SLC6A19: variants seen among roughly 807,000 people sequenced by gnomAD.
The protein encoded by SLC6A19 is solute carrier family 6 member 19, also known as sodium-dependent neutral amino acid transporter B(0)AT1.
A neutral mutation model predicts 68.3 loss-of-function variants in SLC6A19; 67 were observed. The ratio of observed to expected loss-of-function variants is 0.98; its 90% CI spans 0.81 to 1.20. The LOEUF (loss-of-function observed/expected upper bound fraction) is 1.20. Ranked by LOEUF, SLC6A19 falls within the 50% of genes most tolerant of loss-of-function variation. The probability of loss-of-function intolerance (pLI) is 0.00; values close to 1 mark genes in which losing one functional copy is unlikely to be tolerated. For synonymous variants in SLC6A19, 392 were observed against 374.9 expected, an observed-to-expected ratio of 1.05 and a Z score of -0.53; for missense variants, 813 against 851.6, an observed-to-expected ratio of 0.95 and a Z score of 0.56.
At chr5:1,220,678 C>T (rs1746353069) in intron 10 of SLC6A19, among the ~76,000 whole-genome samples, 1 of 152,212 alleles carries the variant, frequency 6.6e-6, no homozygotes, top group African/African-American at 2.4e-5. Flanking sequence ...TTGGGTGTAA[C>T]CTTCTGCCTG....
chr5:1,218,383 G>A (rs1302379250), intron 8 of SLC6A19, among the ~76,000 whole-genome samples: 7 of 152,224 alleles, frequency 4.6e-5, no homozygotes, highest in African/African-American at 1.2e-4. Context: ...CGCCAGGACC[G>A]TGATGGGCCG....
intron 4 of SLC6A19, 75 bp from the exon 5 acceptor site, chr5:1,213,388 G>T: frequency 7.4e-5 from 4 of 53,996 alleles, no homozygotes; most frequent in South Asian, 2.0e-4. Flanking sequence ...CATATGCCCC[G>T]CCCCCACGTG....
chr5:1,224,736 T>G lies in SLC6A19; in HGVS notation c.*2832T>G, dbSNP rs1746497568. Reference sequence around the variant, plus strand: ...GGCCTGGGGGCCCTTGGCCTGTCCGTGGCGGGAGCATCTGCAAGGAGGAGC... The same window carrying G: ...GGCCTGGGGGCCCTTGGCCTGTCCGGGGCGGGAGCATCTGCAAGGAGGAGC... On this transcript the variant is annotated 3_prime_UTR_variant, in exon 12 of 12. Transcript: ENST00000304460. 2 of 152,546 alleles carry G rather than the reference T, an allele frequency of 1.3e-5. No homozygotes were observed. The highest frequency in any genetic ancestry group is 4.8e-5 in the African/African-American group (2 of 41,482). 9.4% of individuals were successfully genotyped at this position (152,546 alleles called of 1,614,324 possible).
intron 8 of SLC6A19, among the ~76,000 whole-genome samples, chr5:1,218,456 C>T (rs1014253674): frequency 6.6e-6 from 1 of 152,254 alleles, no homozygotes; most frequent in Non-Finnish European, 1.5e-5. Context: ...CGGGTGGTTG[C>T]GCCTTGGTGG....
chr5:1,208,187 A>G (rs1478930779), intron 1 of SLC6A19, among the ~76,000 whole-genome samples: 2 of 152,204 alleles, frequency 1.3e-5, no homozygotes, highest in African/African-American at 4.8e-5. Flanking sequence ...AACGGTCCCC[A>G]TTAAACCCTA....
chr5:1,205,251 T>C (rs562729539), intron 1 of SLC6A19, among the ~76,000 whole-genome samples: 1 of 152,358 alleles, frequency 6.6e-6, no homozygotes. Flanking sequence ...CCTCTGCACC[T>C]CACCCCACAC....
At chr5:1,208,908 C>T (rs769418030) in intron 2 of SLC6A19, 22 bp downstream of exon 2, 1 of 1,599,788 alleles carries the variant, frequency 6.3e-7, no homozygotes, top group Non-Finnish European at 8.5e-7. Flanking sequence ...GGAGCAGTTC[C>T]ACCCGGGCCC....
intron 10 of SLC6A19, among the ~76,000 whole-genome samples, chr5:1,220,090 T>C (rs911784577): frequency 6.6e-6 from 1 of 152,010 alleles, no homozygotes; most frequent in African/African-American, 2.4e-5. Flanking sequence ...CAGGGACTCT[T>C]GGTTGGAGCC....
intron 10 of SLC6A19, among the ~76,000 whole-genome samples, chr5:1,220,713 T>TA (rs1190374667): frequency 6.6e-6 from 1 of 152,150 alleles, no homozygotes; most frequent in Non-Finnish European, 1.5e-5. Context: ...ATGCAGACGA[T>TA]AAACTCCTTT....
chr5:1,213,408 C>T, intron 4 of SLC6A19, 55 bp from the exon 5 acceptor site: 3 of 1,174,762 alleles, frequency 2.6e-6, no homozygotes, highest in Non-Finnish European at 3.5e-6. Flanking sequence ...GCCGCCCCCA[C>T]CGCATGCCTG....
chr5:1,219,447 T>G, intron 9 of SLC6A19, 58 bp from the exon 10 acceptor site: 1 of 1,600,312 alleles, frequency 6.2e-7, no homozygotes, highest in Non-Finnish European at 8.5e-7. Context: ...AACAGCTCTG[T>G]CCCTGGCCGT....
intron 1 of SLC6A19, among the ~76,000 whole-genome samples, chr5:1,202,296 C>T (rs1212674885): frequency 3.9e-5 from 6 of 152,148 alleles, no homozygotes; most frequent in Non-Finnish European, 8.8e-5. Context: ...GGCAGGTGAC[C>T]CTAGAGGAGC....
At position 1,216,897 on chromosome 5, in the gene SLC6A19, C is replaced by T. The variant is rs145782869; in HGVS notation, c.1125C>T (p.Tyr375=). Residue 375 remains tyrosine (Y), a synonymous_variant, in exon 8 of 12, where the codon TAC becomes TAT. Transcript: ENST00000304460. ...GCAACGCCTCCGACCCCGCGGCCTA[C>T]GCGCAGCTGGTGTTCCAGACCTGCG... ...QRCNASDPAA[Y]AQLVFQTCDI... The T allele has an allele frequency of 1.4e-5, 22 of 1,613,618 alleles. No homozygotes were observed. Among genetic ancestry groups the T allele is most frequent in the African/African-American group, 1.3e-4 (10 of 75,074 alleles).
At chr5:1,211,272 G>T (rs1048218218) in intron 3 of SLC6A19, among the ~76,000 whole-genome samples, 4 of 152,342 alleles carry the variant, frequency 2.6e-5, no homozygotes, top group South Asian at 2.1e-4. Flanking sequence ...GACTGTCGGG[G>T]CCCTTTCCTG....
Position 1,216,659 on chromosome 5 carries a change from C to T in SLC6A19, c.989C>T (p.Thr330Ile), listed in dbSNP as rs748703513. 72 of 1,613,904 alleles carry T rather than the reference C, an allele frequency of 4.5e-5. No homozygotes were observed. Among genetic ancestry groups the T allele is most frequent in the Middle Eastern group, 3.3e-4 (2 of 6,084 alleles). ...VVYSVIGFRATQRYDDCFSTN... is the reference protein window; with the variant it reads ...VVYSVIGFRAIQRYDDCFSTN... Reference sequence around the variant, plus strand: ...TACTCCGTCATTGGGTTCCGCGCCACACAGCGCTACGACGACTGCTTCAGC... The same window carrying T: ...TACTCCGTCATTGGGTTCCGCGCCATACAGCGCTACGACGACTGCTTCAGC... The change falls in exon 7 of 12, where the codon ACA (threonine) becomes ATA (isoleucine). Residue 330 changes from threonine to isoleucine, a missense_variant. Thr to Ile is a moderately conservative substitution (Grantham distance 89). Transcript: ENST00000304460.
Position 1,212,400 on chromosome 5 carries a change from C to T in SLC6A19, c.579C>T (p.Ile193=). The change falls in exon 4 of 12, where the codon ATC becomes ATT. Residue 193 remains isoleucine (I), a synonymous_variant. Transcript: ENST00000304460. This position sits in a 1 kb window ranked among gnomAD's most constrained non-coding sequence, Gnocchi z 5.1. ...CGTCCATCAGCGACTCGGGCTCCAT[C>T]CAGTGGTGGATGCTGCTGTGCCTGG... ...ISTSISDSGS[I]QWWMLLCLAC... 5 of 1,613,198 alleles carry T rather than the reference C, an allele frequency of 3.1e-6. No homozygotes were observed. The highest frequency in any genetic ancestry group is 4.2e-6 in the Non-Finnish European group (5 of 1,179,954).
At chr5:1,217,023 CT>C (rs1401094066) in intron 8 of SLC6A19, 78 bp downstream of exon 8, 7 of 1,603,630 alleles carry the variant, frequency 4.4e-6, no homozygotes, top group Admixed American at 1.7e-5. Flanking sequence ...CCCTGGGCCC[CT>C]GGCCTGTGGA....
chr5:1,221,992 C>A lies in SLC6A19; in HGVS notation c.*88C>A. Reference sequence around the variant, plus strand: ...TGGGGTGGGGGCCGGGCTGCACCTGCATGTGTGTAAGCGTGAGTGTATGCT... The same window carrying A: ...TGGGGTGGGGGCCGGGCTGCACCTGAATGTGTGTAAGCGTGAGTGTATGCT... On this transcript the variant is annotated 3_prime_UTR_variant, in exon 12 of 12. Transcript: ENST00000304460. The A allele has an allele frequency of 7.0e-7, 1 of 1,425,778 alleles. No homozygotes were observed. Among genetic ancestry groups the A allele is most frequent in the South Asian group, 1.2e-5 (1 of 80,774 alleles). The allele number at this position is 1,425,778 out of a possible 1,614,324, so 88.3% of individuals were successfully genotyped here.
intron 9 of SLC6A19, 48 bp from the exon 10 acceptor site, chr5:1,219,457 T>G (rs1408986075): frequency 6.2e-7 from 1 of 1,604,088 alleles, no homozygotes; most frequent in Non-Finnish European, 8.5e-7. Context: ...TCCCTGGCCG[T>G]GCGTGCAGCC....
Sources: allele counts gnomAD v4.1 joint callset (sites outside exome capture counted in the v4.1 genomes callset), GRCh38; gene constraint gnomAD v4.1.1; non-coding constraint Gnocchi (gnomAD v3.1); transcripts MANE v1.5; gene names NCBI Gene and HGNC (gene_info 2026-07-23, HGNC 2026-07-21).